Variants in VIRMA observed in about 807,000 individuals in gnomAD.
The protein encoded by VIRMA is vir like m6A methyltransferase associated.
VIRMA carries 65 observed loss-of-function variants against 182.4 expected under a neutral mutation model. The observed-to-expected ratio is 0.36, with a 90% CI of 0.29 to 0.44. VIRMA has a LOEUF of 0.44. Ranked by LOEUF, VIRMA falls within the 20% of genes least tolerant of loss-of-function variation. The probability of loss-of-function intolerance (pLI) is 1.00; values close to 1 mark genes in which losing one functional copy is unlikely to be tolerated. For missense variants in VIRMA, 1,752 were observed against 2,158.1 expected, an observed-to-expected ratio of 0.81 and a Z score of 3.73; for synonymous variants, 709 against 743.1, an observed-to-expected ratio of 0.95 and a Z score of 0.75.
chr8:94,502,049 C>T (rs3102845), intron 16 of VIRMA, among the ~76,000 whole-genome samples: 102,477 of 152,040 alleles, frequency 0.67, 35,456 homozygotes, highest in East Asian at 0.83. Context: ...CCACTATTAT[C>T]GTGTTGCTGT....
chr8:94,543,988 G>T, intron 1 of VIRMA, 46 bp from the exon 2 acceptor site: 1 of 922,312 alleles, frequency 1.1e-6, no homozygotes, highest in Non-Finnish European at 1.8e-6. Context: ...GGAACATTAT[G>T]TAAAACAGTT....
Position 94,495,814 on chromosome 8 carries a change from T to C in VIRMA, c.4461A>G (p.Ser1487=), listed in dbSNP as rs774179315. Residue 1487 remains serine (S), a synonymous_variant, in exon 19 of 24, where the codon TCA becomes TCG. Transcript: ENST00000297591. The stretch of plus-strand genomic sequence containing the variant: ...GGTCACTGAGAGGTAAAGGGTCACC[T>C]GATGACTCCAGCATCTGCTTAAGTC... ...VVGLKQMLES[S]GDPLPLSDQD... The C allele has an allele frequency of 8.1e-6, 13 of 1,613,748 alleles. No homozygotes were observed. The highest frequency in any genetic ancestry group is 5.0e-5 in the Admixed American group (3 of 60,010).
At position 94,537,141 on chromosome 8, in the gene VIRMA, C is replaced by G; in HGVS notation, c.277G>C (p.Asp93His). 6.2e-7 allele frequency: 1 copy of G among 1,601,252 alleles called. No homozygotes were observed. The highest frequency in any genetic ancestry group is 8.6e-7 in the Non-Finnish European group (1 of 1,168,398). Residue 93 changes from aspartate (D) to histidine (H), a missense_variant, in exon 4 of 24, where the codon GAT (aspartate) becomes CAT (histidine). Asp to His is a moderately conservative substitution (Grantham distance 81, BLOSUM62 -1). Coordinates refer to ENST00000297591, the MANE Select transcript of VIRMA (RefSeq NM_015496.5). ...CTAAAGATGATGGAAGTATTCTCATCATATTCCAGGCTGTCAAGAGAGTAG... is the reference window on the plus strand; with the variant it reads ...CTAAAGATGATGGAAGTATTCTCATGATATTCCAGGCTGTCAAGAGAGTAG... ...VFDRLGSLEY[D>H]ENTSIIFRPN...
In VIRMA at chr8:94,506,064, T is replaced by A. The variant is rs879571254; in HGVS notation, c.4097+436A>T. ...AAGAGAAATACTGTACCGTTTTATA[T>A]AATGGACTTGAGCATCTGTAGATTT... On this transcript the variant is annotated intron_variant, in intron 16 of 23. Transcript: ENST00000297591. Among the ~76,000 whole-genome samples, 10 of 152,358 alleles carry A rather than the reference T, an allele frequency of 6.6e-5. 1 individual carries two copies. In the East Asian group the frequency reaches 1.9e-3, roughly 29 times the overall value.
At chr8:94,544,079 T>C (rs1309893719) in intron 1 of VIRMA, 137 bp from the exon 2 acceptor site, 2 of 560,824 alleles carry the variant, frequency 3.6e-6, no homozygotes, top group Admixed American at 3.2e-5. Flanking sequence ...AAATATATTA[T>C]TTACAGTGTT....
intron 20 of VIRMA, among the ~76,000 whole-genome samples, chr8:94,493,448 G>A (rs1414473839): frequency 2.0e-5 from 3 of 152,160 alleles, no homozygotes; most frequent in African/African-American, 4.8e-5. Context: ...GCCCAACGTG[G>A]TAGCCACTAA....
chr8:94,512,893 G>A (rs546554533), intron 11 of VIRMA, among the ~76,000 whole-genome samples: 6 of 152,226 alleles, frequency 3.9e-5, no homozygotes, highest in Non-Finnish European at 5.9e-5. Context: ...GATACCAACA[G>A]AGTCTAGTAT....
rs566764755 is a variant in VIRMA at position 94,495,051 on chromosome 8, A to G, written c.4545-95T>C. 3.7e-6 allele frequency: 3 copies of G among 820,378 alleles called. No homozygotes were observed. The South Asian group carries it at 4.2e-5, about 11-fold the overall frequency. The allele number at this position is 820,378 out of a possible 1,614,324, so 50.8% of individuals were successfully genotyped here. On this transcript the variant is annotated intron_variant, in intron 19 of 23. Coordinates refer to ENST00000297591, the MANE Select transcript of VIRMA (RefSeq NM_015496.5). ...CACAGTCTTGCTGTTACCCAGCTGG[A>G]GCGCAGTGGCACGATCACAGTTCAC...
intron 2 of VIRMA, among the ~76,000 whole-genome samples, chr8:94,541,645 G>A (rs770937414): frequency 1.3e-4 from 20 of 151,954 alleles, no homozygotes; most frequent in Non-Finnish European, 2.8e-4. Flanking sequence ...AGGTTCAGGC[G>A]ATTCTCCTGC....
Position 94,553,468 on chromosome 8 carries a change from A to AG in VIRMA, c.-22dup, listed in dbSNP as rs1246879853. On this transcript the variant is annotated 5_prime_UTR_variant, in exon 1 of 24. Coordinates refer to ENST00000297591, the MANE Select transcript of VIRMA (RefSeq NM_015496.5). ...GCCATGTTTGCCGCGGGCGGGGAAC[A>AG]GGGGGGAGGACTTCCGGGGCAGCGC... The AG allele has an allele frequency of 3.1e-6, 5 of 1,612,676 alleles. No homozygotes were observed. The highest frequency in any genetic ancestry group is 1.1e-5 in the South Asian group (1 of 91,060).
At chr8:94,543,401 CAAAAA>C (rs1162030319) in intron 2 of VIRMA, among the ~76,000 whole-genome samples, 15 of 43,202 alleles carry the variant, frequency 3.5e-4, no homozygotes, top group South Asian at 8.2e-4. Flanking sequence ...AACTCCATCT[CAAAAA>C]AAAAAAAAAA....
rs141265436 is a variant in VIRMA, at chr8:94,528,614, T to C, written c.880+456A>G. On this transcript the variant is annotated intron_variant, in intron 7 of 23. Transcript: ENST00000297591. ...ATACTGCCACATGTACTTGTGTAATTGAGATTTTTCCCTTGAATTTTTAAA... is the reference window on the plus strand; with the variant it reads ...ATACTGCCACATGTACTTGTGTAATCGAGATTTTTCCCTTGAATTTTTAAA... Among the ~76,000 whole-genome samples, 963 of 152,336 alleles carry C rather than the reference T, an allele frequency of 6.3e-3. 16 individuals are homozygous for C. The highest frequency in any genetic ancestry group is 0.023 in the East Asian group (121 of 5,180).
chr8:94,511,394 G>C lies in VIRMA; in HGVS notation c.3181C>G (p.Gln1061Glu). ...GRLDSDEQKI[Q>E]NDIIDILLTF... The stretch of plus-strand genomic sequence containing the variant: ...AGTAAAATATCAATGATATCATTCT[G>C]AATTTTCTGTTCATCACTATCCAAA... The change falls in exon 13 of 24, where the codon CAG becomes GAG. Residue 1061 changes from glutamine (Q) to glutamate (E), a missense_variant. Gln to Glu is a conservative substitution (Grantham distance 29). This residue lies in a region of VIRMA where 777 missense variants were observed against 920.6 expected (regional missense o/e 0.84). Coordinates refer to ENST00000297591, the MANE Select transcript of VIRMA (RefSeq NM_015496.5). 1 of 1,613,944 alleles carries C rather than the reference G, an allele frequency of 6.2e-7. No homozygotes were observed.
At chr8:94,543,969 G>A (rs370068073) in intron 1 of VIRMA, 27 bp from the exon 2 acceptor site, 1 of 1,170,790 alleles carries the variant, frequency 8.5e-7, no homozygotes. Context: ...GCCGGAGGGG[G>A]AGGGGTTCGG....
In VIRMA at chr8:94,526,828, T is replaced by C. The variant is rs1383793881; in HGVS notation, c.1416A>G (p.Gln472=). The change falls in exon 8 of 24, where the codon CAA becomes CAG. Residue 472 remains glutamine (Q), a synonymous_variant. Transcript: ENST00000297591. ...LVSSLAECGA[Q]GVTGLLQAGV... ...CTGCTTGTAGCAGTCCTGTAACTCCTTGAGCCCCACATTCTGCTAGTGAGG... is the reference window on the plus strand; with the variant it reads ...CTGCTTGTAGCAGTCCTGTAACTCCCTGAGCCCCACATTCTGCTAGTGAGG... 1.2e-6 allele frequency: 2 copies of C among 1,614,224 alleles called. No homozygotes were observed. Among genetic ancestry groups the C allele is most frequent in the East Asian group, 4.5e-5 (2 of 44,890 alleles).
chr8:94,506,366 A>G (rs1318744730), intron 16 of VIRMA, 134 bp downstream of exon 16: 2 of 599,026 alleles, frequency 3.3e-6, no homozygotes, highest in East Asian at 5.7e-5. Flanking sequence ...TTTTCCATAC[A>G]CACAAAATTT....
At position 94,531,027 on chromosome 8, in the gene VIRMA, T is replaced by C; in HGVS notation, c.543A>G (p.Gly181=). ...GAGGGGGTCCTGGAGGAGTTCTTGG[T>C]CCCCTTGGCTGTGGTCTTGGAGGGC... The part of the protein sequence containing the change: ...NGSPPRPQPR[G]PRTPPGPPPP... Residue 181 remains glycine (G), a synonymous_variant, in exon 6 of 24, where the codon GGA becomes GGG. Coordinates refer to ENST00000297591, the MANE Select transcript of VIRMA (RefSeq NM_015496.5). The C allele has an allele frequency of 1.9e-6, 3 of 1,603,164 alleles. No homozygotes were observed. Among genetic ancestry groups the C allele is most frequent in the Non-Finnish European group, 2.6e-6 (3 of 1,175,080 alleles).
At chr8:94,538,109 G>C (rs1815404432) in intron 3 of VIRMA, 151 bp downstream of exon 3, 1 of 609,112 alleles carries the variant, frequency 1.6e-6, no homozygotes, top group Non-Finnish European at 2.9e-6. Flanking sequence ...TTAGGAGTTT[G>C]ACATTTCTTT....
At position 94,496,423 on chromosome 8, in the gene VIRMA, T is replaced by C. The variant is rs1314322959; in HGVS notation, c.4288A>G (p.Thr1430Ala). The change falls in exon 18 of 24, where the codon ACG becomes GCG. Residue 1430 changes from threonine (T) to alanine (A), a missense_variant. Coordinates refer to ENST00000297591, the MANE Select transcript of VIRMA (RefSeq NM_015496.5). Reference protein sequence around the residue: ...MEVEGAHTSRTMSINAAELKQ... With the variant: ...MEVEGAHTSRAMSINAAELKQ... The stretch of plus-strand genomic sequence containing the variant: ...AACTCTGCAGCATTAATACTCATCG[T>C]CCGTGATGTATGAGCTCCCTCTACT... 5 of 1,613,464 alleles carry C rather than the reference T, an allele frequency of 3.1e-6. No homozygotes were observed. The Admixed American group carries it at 5.0e-5, about 16-fold the overall frequency.
Sources: allele counts gnomAD v4.1 joint callset (sites outside exome capture counted in the v4.1 genomes callset), GRCh38; gene constraint gnomAD v4.1.1; regional missense constraint gnomAD v4.1.1; transcripts MANE v1.5; gene names NCBI Gene and HGNC (gene_info 2026-07-23, HGNC 2026-07-21).